Variants in CDC42BPB observed in about 807,000 individuals in gnomAD.
The protein encoded by CDC42BPB is serine/threonine-protein kinase MRCK beta.
CDC42BPB carries 37 observed loss-of-function variants against 214.9 expected under a neutral mutation model. The observed-to-expected ratio is 0.17, with a 90% confidence interval of 0.13 to 0.23. The LOEUF (loss-of-function observed/expected upper bound fraction) is 0.23, where lower values mean the gene tolerates loss of function less well. CDC42BPB is among the 10% of genes least tolerant of loss of function. The pLI is 1.00. For synonymous variants in CDC42BPB, 931 were observed against 884.0 expected (o/e 1.05, Z -0.94); for missense variants, 1,694 against 2,227.0 (o/e 0.76, Z 4.82).
intron 30 of CDC42BPB, chr14:102,941,347 G>C: frequency 1.0e-6 from 1 of 985,464 alleles, no homozygotes; most frequent in Non-Finnish European, 1.2e-6. Flanking sequence ...AAAGCCTTCT[G>C]CTCTGTTTCT....
chr14:103,057,030 G>A lies in CDC42BPB; in HGVS notation c.144C>T (p.Arg48=), dbSNP rs983224681. Reference sequence around the variant, plus strand: ...CGAGGAACTCGGCCACGTACTTGTCGCGGCGCAGGGCCGAGTGGCTGCACT... The same window carrying A: ...CGAGGAACTCGGCCACGTACTTGTCACGGCGCAGGGCCGAGTGGCTGCACT... ...YTECSHSALR[R]DKYVAEFLEW... is the part of the protein sequence containing the mutation. The change falls in exon 1 of 37, where the codon CGC becomes CGT. Residue 48 remains arginine (R), a synonymous_variant. Coordinates refer to ENST00000361246, the MANE Select transcript of CDC42BPB (RefSeq NM_006035.4). The A allele has an allele frequency of 4.7e-6, 7 of 1,503,194 alleles. No individual in the cohort carries two copies. In the African/African-American group the frequency reaches 1.0e-4, roughly 22 times the overall value. The allele number at this position is 1,503,194 out of a possible 1,614,324, so 93.1% of individuals were successfully genotyped here.
intron 11 of CDC42BPB, among the ~76,000 whole-genome samples, chr14:102,975,145 A>G (rs1893679550): frequency 6.6e-6 from 1 of 152,234 alleles, no homozygotes; most frequent in Admixed American, 6.5e-5. Flanking sequence ...ACTGTAACAG[A>G]GAAGCAGAAA....
chr14:103,010,831 A>T (rs148458354), intron 2 of CDC42BPB, among the ~76,000 whole-genome samples: 5,167 of 152,212 alleles, frequency 0.034, 269 homozygotes, highest in African/African-American at 0.12. Flanking sequence ...GGAGATCAAG[A>T]CCATCCTGGC....
At chr14:103,050,433 G>A (rs904480330) in intron 1 of CDC42BPB, among the ~76,000 whole-genome samples, 2 of 152,212 alleles carry the variant, frequency 1.3e-5, no homozygotes, top group African/African-American at 4.8e-5. Flanking sequence ...TGAGTGGGGA[G>A]TGGGCTGGAG....
rs188459111 is a variant in CDC42BPB, at chr14:102,983,437, G to A, written c.891+119C>T. The A allele has an allele frequency of 1.1e-4, 157 of 1,465,642 alleles. No homozygotes were observed. The African/African-American group carries it at 1.8e-3, about 17-fold the overall frequency. 90.8% of individuals were successfully genotyped at this position (1,465,642 alleles called of 1,614,324 possible). A position where few individuals can be genotyped will look rare whatever the true frequency, so the allele number is the denominator to read the frequency against. ...CTGTCCCCAGTTTGGTCCAAACCCC[G>A]TCACCTCTTCCTCAACTACTCGCGT... On this transcript the variant is annotated intron_variant, in intron 7 of 36. Transcript: ENST00000361246.
chr14:102,961,833 G>A (rs542761600), intron 20 of CDC42BPB, among the ~76,000 whole-genome samples: 4 of 152,242 alleles, frequency 2.6e-5, no homozygotes, highest in Non-Finnish European at 2.9e-5. Context: ...GTGAGCCACC[G>A]CACCGGCTGC....
intron 1 of CDC42BPB, among the ~76,000 whole-genome samples, chr14:103,013,549 C>T (rs1156737464): frequency 6.6e-6 from 1 of 152,160 alleles, no homozygotes; most frequent in Non-Finnish European, 1.5e-5. Context: ...ACAGACGTAA[C>T]CAAGTGAAAA....
At position 102,959,696 on chromosome 14, in the gene CDC42BPB, C is replaced by T. The variant is rs764790988; in HGVS notation, c.2836G>A (p.Asp946Asn). 2.0e-4 allele frequency: 315 copies of T among 1,612,286 alleles called. No homozygotes were observed. Among genetic ancestry groups the T allele is most frequent in the Non-Finnish European group, 2.5e-4 (290 of 1,179,470 alleles). The change falls in exon 21 of 37, where the codon GAT becomes AAT. Residue 946 changes from aspartate (D) to asparagine (N), a missense_variant. Around this residue, in one of 7 missense-constraint regions of CDC42BPB, gnomAD observed 156 missense variants for 154.5 expected, o/e 1.01. Coordinates refer to ENST00000361246, the MANE Select transcript of CDC42BPB (RefSeq NM_006035.4). ...TACTCAAAAATGGAATCCTGAAAAT[C>T]TGGAAGTTTGAGCCCTGCAAAAAGA... is the stretch of plus-strand genomic sequence containing the variant. ...FRADTGLKLP[D>N]FQDSIFEYFN...
At chr14:103,017,465 T>C (rs1403243301) in intron 1 of CDC42BPB, among the ~76,000 whole-genome samples, 1 of 151,848 alleles carries the variant, frequency 6.6e-6, no homozygotes, top group East Asian at 1.9e-4. Context: ...GGGAAAATGG[T>C]GACTTTACAG....
chr14:102,949,374 C>T (rs556965201), intron 26 of CDC42BPB, among the ~76,000 whole-genome samples: 3 of 152,246 alleles, frequency 2.0e-5, no homozygotes, highest in Admixed American at 2.0e-4. Flanking sequence ...ACTTCTTCCA[C>T]ACACCAGCAC....
At chr14:102,977,494 C>G (rs1203349438) in intron 9 of CDC42BPB, among the ~76,000 whole-genome samples, 2 of 152,258 alleles carry the variant, frequency 1.3e-5, no homozygotes, top group African/African-American at 4.8e-5. Flanking sequence ...TTCCTAACCC[C>G]TCTCCTCTTG....
chr14:102,953,640 T>C (rs1892587562), intron 23 of CDC42BPB, among the ~76,000 whole-genome samples: 2 of 152,164 alleles, frequency 1.3e-5, no homozygotes, highest in Admixed American at 1.3e-4. Context: ...TGATCTGCGT[T>C]GATGTTTATA....
At chr14:103,021,444 T>A (rs1036532752) in intron 1 of CDC42BPB, among the ~76,000 whole-genome samples, 2 of 143,832 alleles carry the variant, frequency 1.4e-5, no homozygotes, top group African/African-American at 5.3e-5. Context: ...CCAGCCTGGG[T>A]GACAGAGTGA....
intron 20 of CDC42BPB, among the ~76,000 whole-genome samples, chr14:102,961,496 A>G (rs888373777): frequency 1.3e-5 from 2 of 151,740 alleles, no homozygotes; most frequent in African/African-American, 4.9e-5. Context: ...CACCACGCCC[A>G]GCTAATTTTT....
At chr14:102,965,082 C>T (rs1020854022) in intron 18 of CDC42BPB, among the ~76,000 whole-genome samples, 2 of 152,048 alleles carry the variant, frequency 1.3e-5, no homozygotes, top group Non-Finnish European at 2.9e-5. Context: ...ACAGGTGCCG[C>T]ACCACCATGC....
intron 21 of CDC42BPB, 46 bp from the exon 22 acceptor site, chr14:102,954,734 A>G (rs747887175): frequency 7.0e-6 from 11 of 1,581,658 alleles, no homozygotes; most frequent in Non-Finnish European, 9.5e-6. Flanking sequence ...GACATATTCT[A>G]CATGATCCAG....
At chr14:102,966,981 C>G (rs1051835046) in intron 17 of CDC42BPB, 65 bp downstream of exon 17, 27 of 1,557,954 alleles carry the variant, frequency 1.7e-5, no homozygotes, top group Non-Finnish European at 2.3e-5. Flanking sequence ...GCAGAAGAGG[C>G]GGGGCAGACC....
chr14:102,985,627 G>A (rs572745371), intron 6 of CDC42BPB, among the ~76,000 whole-genome samples: 4 of 152,258 alleles, frequency 2.6e-5, no homozygotes, highest in Non-Finnish European at 5.9e-5. Flanking sequence ...ATAAAACGCT[G>A]TCAACTGAAG....
intron 19 of CDC42BPB, 50 bp from the exon 20 acceptor site, chr14:102,963,205 T>A: frequency 2.6e-6 from 4 of 1,561,914 alleles, no homozygotes; most frequent in Non-Finnish European, 3.5e-6. Flanking sequence ...AGGTTGTCTG[T>A]GAGCTGGTAT....
Sources: gnomAD v4.1 joint callset for allele counts (sites outside exome capture counted in the v4.1 genomes callset) on GRCh38, gnomAD v4.1.1 for gene constraint, gnomAD v4.1.1 regional missense constraint, MANE v1.5 for transcripts, NCBI Gene and HGNC (gene_info 2026-07-23, HGNC 2026-07-21) for gene names.